The following ZPLD1 variants were observed in gnomAD, a reference collection of about 807,000 sequenced individuals.
ZPLD1 encodes zona pellucida like domain containing 1, also known as zona pellucida-like domain-containing protein 1.
Under a neutral mutation model 47.2 loss-of-function variants are expected in ZPLD1, and 34 were observed. That is an observed-to-expected ratio of 0.72 (90% CI 0.55 to 0.96). The LOEUF (loss-of-function observed/expected upper bound fraction) is 0.96, where lower values mean the gene tolerates loss of function less well. Ranked by LOEUF, ZPLD1 falls within the 40% of genes least tolerant of loss-of-function variation. ZPLD1 has a pLI of 0.00. For synonymous variants in ZPLD1, 176 were observed against 186.2 expected (o/e 0.95, Z 0.45); for missense variants, 512 against 505.8 (o/e 1.01, Z -0.12).
chr3:102,414,776 A>C (rs1019184082), intron 7 of ZPLD1, among the ~76,000 whole-genome samples: 1 of 151,874 alleles, frequency 6.6e-6, no homozygotes, highest in Non-Finnish European at 1.5e-5. Context: ...TACCCAAAAA[A>C]AACAAACAGA....
intron 1 of ZPLD1, among the ~76,000 whole-genome samples, chr3:102,435,448 A>C (rs1208254358): frequency 6.6e-6 from 1 of 152,162 alleles, no homozygotes; most frequent in Non-Finnish European, 1.5e-5. Context: ...TTAGCTCTAG[A>C]GTACATGGCT....
At chr3:102,416,372 T>C (rs746434206) in intron 7 of ZPLD1, among the ~76,000 whole-genome samples, 2 of 151,956 alleles carry the variant, frequency 1.3e-5, no homozygotes, top group African/African-American at 2.4e-5. Context: ...GAGCTACTGA[T>C]TTTTTCTATA....
intron 3 of ZPLD1, among the ~76,000 whole-genome samples, chr3:102,443,067 CT>C (rs1228850410): frequency 2.0e-5 from 3 of 152,156 alleles, no homozygotes; most frequent in African/African-American, 7.2e-5. Context: ...GCCAGGCCCC[CT>C]TCTTTGGAAG....
intron 3 of ZPLD1, among the ~76,000 whole-genome samples, chr3:102,449,750 A>T (rs1353555317): frequency 6.6e-6 from 1 of 152,178 alleles, no homozygotes; most frequent in Admixed American, 6.6e-5. Flanking sequence ...AATCAACTTT[A>T]TCATAGGCAT....
At chr3:102,437,709 T>C (rs1412188731) in intron 2 of ZPLD1, among the ~76,000 whole-genome samples, 1 of 152,180 alleles carries the variant, frequency 6.6e-6, no homozygotes, top group Non-Finnish European at 1.5e-5. Context: ...GGTGTTTAAG[T>C]AAAAGTCCAT....
intron 3 of ZPLD1, among the ~76,000 whole-genome samples, chr3:102,449,440 A>G (rs1199580737): frequency 1.3e-5 from 2 of 152,110 alleles, no homozygotes; most frequent in African/African-American, 4.8e-5. Flanking sequence ...TGTGTTCAGA[A>G]AATACTAAGT....
At chr3:102,424,643 A>G (rs902539128) in intron 8 of ZPLD1, among the ~76,000 whole-genome samples, 1 of 150,054 alleles carries the variant, frequency 6.7e-6, no homozygotes, top group Non-Finnish European at 1.5e-5. Flanking sequence ...CTAAACTGGT[A>G]GCTTTTATAC....
upstream of ZPLD1, among the ~76,000 whole-genome samples, chr3:102,430,192 T>C (rs2107313744): frequency 6.6e-6 from 1 of 152,308 alleles, no homozygotes; most frequent in East Asian, 1.9e-4. Flanking sequence ...GTATTGACTG[T>C]TTTGACATTT....
intron 7 of ZPLD1, among the ~76,000 whole-genome samples, chr3:102,396,459 C>T (rs765781168): frequency 3.9e-5 from 6 of 152,048 alleles, no homozygotes; most frequent in African/African-American, 7.2e-5. Context: ...ACACTCAGAA[C>T]AAAAACTAAT....
chr3:102,468,911 A>G, intron 8 of ZPLD1, 53 bp from the exon 9 acceptor site: 1 of 1,533,974 alleles, frequency 6.5e-7, no homozygotes, highest in Middle Eastern at 1.8e-4. Flanking sequence ...TACAAGTCCC[A>G]GTAGGTTGGT....
rs1707515135 is a variant in ZPLD1 at position 102,462,140 on chromosome 3, T to G, written c.583-141T>G. On this transcript the variant is annotated intron_variant, in intron 6 of 11. Coordinates refer to ENST00000466937, the MANE Select transcript of ZPLD1 (RefSeq NM_001329788.2). ...ACAGTTCTGCCAAGAAACCAGAGGG[T>G]CACGTAAATCCTTTTTGGATTGATT... The G allele has an allele frequency of 1.4e-5, 7 of 508,254 alleles. No individual in the cohort carries two copies. In the South Asian group the frequency reaches 2.4e-4, roughly 17 times the overall value. The allele number at this position is 508,254 out of a possible 1,614,324, so 31.5% of individuals were successfully genotyped here.
chr3:102,477,455 T>C lies in ZPLD1; in HGVS notation c.1085T>C (p.Met362Thr). The C allele has an allele frequency of 6.2e-7, 1 of 1,612,300 alleles. No individual in the cohort carries two copies. The highest frequency in any genetic ancestry group is 8.5e-7 in the Non-Finnish European group (1 of 1,179,290). ...TNNSQLGSPS[M>T]PPFQLNAITS... ...TTATTATTTGCAGGTTCTCCAAGTA[T>C]GCCTCCCTTCCAGCTGAACGCCATC... is the stretch of plus-strand genomic sequence containing the variant. Residue 362 changes from methionine (M) to threonine (T), a missense_variant, in exon 12 of 12, where the codon ATG becomes ACG. Transcript: ENST00000466937.
At chr3:102,400,866 A>G (rs1706611905) in intron 7 of ZPLD1, among the ~76,000 whole-genome samples, 1 of 152,058 alleles carries the variant, frequency 6.6e-6, no homozygotes, top group South Asian at 2.1e-4. Context: ...ACCACTCTTC[A>G]AACTAGTCTC....
intron 3 of ZPLD1, among the ~76,000 whole-genome samples, chr3:102,443,798 A>C (rs929803320): frequency 1.3e-5 from 2 of 152,196 alleles, no homozygotes; most frequent in Non-Finnish European, 2.9e-5. Context: ...ACAAAGTAAG[A>C]GAGGTTAGTG....
chr3:102,440,706 C>T (rs1371237733), intron 3 of ZPLD1, among the ~76,000 whole-genome samples: 1 of 127,468 alleles, frequency 7.8e-6, no homozygotes, highest in Non-Finnish European at 1.6e-5. Context: ...AAATAGACTA[C>T]TATTTAGATA....
Position 102,470,507 on chromosome 3 carries a change from G to T in ZPLD1, c.1042+5G>T. On this transcript the variant is annotated splice_donor_5th_base_variant and intron_variant, in intron 10 of 11. Coordinates refer to ENST00000466937, the MANE Select transcript of ZPLD1 (RefSeq NM_001329788.2). ...GTCCCATCATTACTCGGAGTGGTAA[G>T]TGTGCTCCTCCTTCTGTATGTAGTA... The T allele has an allele frequency of 6.2e-7, 1 of 1,612,176 alleles. No individual in the cohort carries two copies. Among genetic ancestry groups the T allele is most frequent in the Non-Finnish European group, 8.5e-7 (1 of 1,178,352 alleles).
intron 7 of ZPLD1, 64 bp from the exon 8 acceptor site, chr3:102,464,107 T>C: frequency 9.3e-7 from 1 of 1,076,326 alleles, no homozygotes; most frequent in East Asian, 2.4e-5. Flanking sequence ...ACTTCCCTTG[T>C]ATTAGTAACT....
intron 7 of ZPLD1, among the ~76,000 whole-genome samples, chr3:102,392,795 C>T (rs530741310): frequency 1.2e-4 from 19 of 152,166 alleles, no homozygotes; most frequent in South Asian, 1.0e-3. Flanking sequence ...ATATTCAAAC[C>T]GTAGCAACCA....
At chr3:102,388,604 A>G (rs901615266) in intron 6 of ZPLD1, among the ~76,000 whole-genome samples, 3 of 152,024 alleles carry the variant, frequency 2.0e-5, no homozygotes, top group South Asian at 4.1e-4. Context: ...TTTCCTGTTT[A>G]CCACTAGTTT....
Sources: allele counts gnomAD v4.1 joint callset (sites outside exome capture counted in the v4.1 genomes callset), GRCh38; gene constraint gnomAD v4.1.1; transcripts MANE v1.5; gene names NCBI Gene and HGNC (gene_info 2026-07-23, HGNC 2026-07-21).